The following SAMMSON variants were observed in gnomAD, a reference collection of about 807,000 sequenced individuals.
SAMMSON encodes the protein long intergenic non-protein coding RNA 1212.
chr3:70,344,726 G>A (rs1396741155), intron 7 of SAMMSON, among the ~76,000 whole-genome samples: 1 of 152,140 alleles, frequency 6.6e-6, no homozygotes, highest in East Asian at 1.9e-4. Context: ...CCATCTGATT[G>A]CTCCCCCTCC....
intron 4 of SAMMSON, among the ~76,000 whole-genome samples, chr3:70,117,243 A>C (rs1315851697): frequency 6.6e-6 from 1 of 152,236 alleles, no homozygotes; most frequent in Admixed American, 6.5e-5. Flanking sequence ...TTTCAGAAGG[A>C]TAACACCCAC....
intron 4 of SAMMSON, among the ~76,000 whole-genome samples, chr3:70,166,335 G>A (rs932259341): frequency 1.1e-4 from 16 of 152,066 alleles, no homozygotes; most frequent in East Asian, 7.8e-4. Flanking sequence ...TGCTATGATG[G>A]TGGCTTGCCT....
intron 4 of SAMMSON, among the ~76,000 whole-genome samples, chr3:70,140,872 T>C (rs1380311479): frequency 6.6e-6 from 1 of 152,184 alleles, no homozygotes; most frequent in Non-Finnish European, 1.5e-5. Context: ...GCCTTTATTG[T>C]CCATATTTCT....
chr3:70,432,045 T>C (rs1005729682), intron 2 of SAMMSON, among the ~76,000 whole-genome samples: 2 of 152,034 alleles, frequency 1.3e-5, no homozygotes, highest in Non-Finnish European at 2.9e-5. Flanking sequence ...TGTAGGTCTT[T>C]GTATGAACAT....
chr3:70,308,756 T>C (rs966624330), intron 7 of SAMMSON, among the ~76,000 whole-genome samples: 3 of 152,158 alleles, frequency 2.0e-5, no homozygotes, highest in African/African-American at 7.2e-5. Context: ...ATAAATGATA[T>C]GAATGTTTGA....
chr3:70,074,974 C>T (rs958186101), intron 4 of SAMMSON: 1 of 152,030 alleles, frequency 6.6e-6, no homozygotes, highest in East Asian at 1.9e-4. Context: ...CTTCTTTGTA[C>T]CCCGTAGCTC....
intron 4 of SAMMSON, among the ~76,000 whole-genome samples, chr3:70,164,712 A>C (rs958355840): frequency 3.3e-5 from 5 of 152,068 alleles, no homozygotes; most frequent in Non-Finnish European, 7.4e-5. Context: ...TTCCTCATCT[A>C]TAAAATCCAG....
chr3:70,346,354 T>C (rs1420221492), intron 7 of SAMMSON, among the ~76,000 whole-genome samples: 1 of 150,534 alleles, frequency 6.6e-6, no homozygotes, highest in African/African-American at 2.4e-5. Context: ...TAAAAACTCA[T>C]CACCCAACCC....
At chr3:70,371,714 C>G (rs1310484708) in intron 9 of SAMMSON, among the ~76,000 whole-genome samples, 3 of 151,912 alleles carry the variant, frequency 2.0e-5, no homozygotes, top group Non-Finnish European at 4.4e-5. Context: ...ATTCATTTAT[C>G]AAATCTAAGA....
At chr3:70,152,997 C>T (rs1167486590) in intron 4 of SAMMSON, among the ~76,000 whole-genome samples, 2 of 151,926 alleles carry the variant, frequency 1.3e-5, no homozygotes, top group Admixed American at 6.6e-5. Flanking sequence ...GTGTCTCATG[C>T]GATGCGTAAA....
intron 4 of SAMMSON, among the ~76,000 whole-genome samples, chr3:70,145,064 G>C (rs1043729641): frequency 4.6e-5 from 7 of 152,180 alleles, no homozygotes; most frequent in African/African-American, 1.7e-4. Flanking sequence ...CTTACCTCCT[G>C]CTTTGCTCCC....
At chr3:70,036,388 A>G (rs1010715579) in intron 3 of SAMMSON, among the ~76,000 whole-genome samples, 1 of 152,050 alleles carries the variant, frequency 6.6e-6, no homozygotes, top group East Asian at 1.9e-4. Flanking sequence ...GCTCTCCCCC[A>G]CTGTCTGCTC....
intron 4 of SAMMSON, among the ~76,000 whole-genome samples, chr3:70,078,089 T>G (rs970540094): frequency 6.6e-6 from 1 of 151,908 alleles, no homozygotes; most frequent in African/African-American, 2.4e-5. Context: ...ATCACATGTG[T>G]GTGGGGGGAA....
chr3:70,056,960 G>A (rs550328520), intron 3 of SAMMSON, among the ~76,000 whole-genome samples: 13 of 152,172 alleles, frequency 8.5e-5, no homozygotes, highest in African/African-American at 2.4e-4. Context: ...AATCAGCTAT[G>A]AAAATAGCTG....
chr3:70,408,825 A>C (rs1021419304), intron 2 of SAMMSON, among the ~76,000 whole-genome samples: 4 of 152,052 alleles, frequency 2.6e-5, no homozygotes, highest in African/African-American at 9.7e-5. Flanking sequence ...CCAATTTACT[A>C]TATTTATCTG....
intron 4 of SAMMSON, among the ~76,000 whole-genome samples, chr3:70,200,989 C>T (rs967275483): frequency 5.3e-5 from 8 of 151,684 alleles, no homozygotes; most frequent in African/African-American, 1.9e-4. Context: ...GTTCATTTCT[C>T]TTCTCCTTCT....
intron 7 of SAMMSON, among the ~76,000 whole-genome samples, chr3:70,325,089 C>T (rs1024975148): frequency 2.0e-5 from 3 of 151,936 alleles, no homozygotes; most frequent in Non-Finnish European, 4.4e-5. Context: ...GTGGAAGGGA[C>T]GATTCTGGCA....
At chr3:70,124,473 C>A (rs1467469018) in intron 4 of SAMMSON, among the ~76,000 whole-genome samples, 1 of 152,090 alleles carries the variant, frequency 6.6e-6, no homozygotes, top group African/African-American at 2.4e-5. Context: ...TAGTTGATAA[C>A]ATTTTTACCT....
chr3:70,150,511 C>T (rs758378630), intron 4 of SAMMSON, among the ~76,000 whole-genome samples: 4 of 151,990 alleles, frequency 2.6e-5, no homozygotes, highest in Non-Finnish European at 4.4e-5. Context: ...AAAATAAAGA[C>T]CAAGCTGAAG....
Sources: gnomAD v4.1 joint callset for allele counts (sites outside exome capture counted in the v4.1 genomes callset) on GRCh38, gnomAD v4.1.1 for gene constraint, MANE v1.5 for transcripts, NCBI Gene and HGNC (gene_info 2026-07-23, HGNC 2026-07-21) for gene names.